GTF3C1: variants seen among roughly 807,000 people sequenced by gnomAD.
GTF3C1 encodes general transcription factor 3C polypeptide 1.
In GTF3C1, 57 loss-of-function variants were observed where a neutral mutation model predicts 226.7. That is an observed-to-expected ratio of 0.25 (90% confidence interval 0.20 to 0.31). GTF3C1 has a LOEUF of 0.31. Among genes scored for constraint, GTF3C1 ranks in the 10% least tolerant of loss-of-function variants. The pLI is 1.00. For missense variants in GTF3C1, 2,217 were observed against 2,776.1 expected (o/e 0.80, Z 4.53); for synonymous variants, 1,090 against 1,084.8 (o/e 1.00, Z -0.09).
At chr16:27,528,267 T>A (rs1158746174) in intron 6 of GTF3C1, among the ~76,000 whole-genome samples, 1 of 151,740 alleles carries the variant, frequency 6.6e-6, no homozygotes, top group Non-Finnish European at 1.5e-5. Flanking sequence ...CGAGACTGCC[T>A]CAAAAAAGCA....
At chr16:27,484,054 C>A (rs995065520) in intron 25 of GTF3C1, among the ~76,000 whole-genome samples, 157 bp downstream of exon 25, 1 of 152,190 alleles carries the variant, frequency 6.6e-6, no homozygotes, top group African/African-American at 2.4e-5. Context: ...TTGGCCCTCA[C>A]CCTCAAAAAA....
In GTF3C1 at chr16:27,464,531, C is replaced by T. The variant is rs764468404; in HGVS notation, c.5661G>A (p.Ala1887=). The change falls in exon 34 of 37, where the codon GCG becomes GCA. Residue 1887 remains alanine (A), a synonymous_variant. Coordinates refer to ENST00000356183, the MANE Select transcript of GTF3C1 (RefSeq NM_001520.4). ...TGGGGGCCAAATTTGAGTCCTGGAG[C>T]GCTGGCCTCTTGGCAGGGGTCATCT... ...GTQMTPAKRP[A]LQDSNLAPSL... The T allele has an allele frequency of 5.9e-6, 9 of 1,513,552 alleles. No homozygotes were observed. Among genetic ancestry groups the T allele is most frequent in the African/African-American group, 4.2e-5 (3 of 70,626 alleles). The allele number at this position is 1,513,552 out of a possible 1,614,324, so 93.8% of individuals were successfully genotyped here. A position where few individuals can be genotyped will look rare whatever the true frequency, so the allele number is the denominator to read the frequency against.
In GTF3C1 at chr16:27,470,309, T is replaced by A; in HGVS notation, c.4613A>T (p.Gln1538Leu). The change falls in exon 31 of 37, where the codon CAG becomes CTG. Residue 1538 changes from glutamine (Q) to leucine (L), a missense_variant. Gln to Leu is a moderately radical substitution (Grantham distance 113, BLOSUM62 -2). Coordinates refer to ENST00000356183, the MANE Select transcript of GTF3C1 (RefSeq NM_001520.4). The surrounding 1 kb of genome is among the most constrained non-coding windows in gnomAD (Gnocchi z 4.9). Reference protein sequence around the residue: ...DRMRAAGKLDQPDRFSFKDQD... With the variant: ...DRMRAAGKLDLPDRFSFKDQD... ...GTCTTTGAAAGAGAAACGATCAGGC[T>A]GGTCCAACTTGCCGGCAGCCCGCAT... is the stretch of plus-strand genomic sequence containing the variant. 1 of 1,613,748 alleles carries A rather than the reference T, an allele frequency of 6.2e-7. No individual in the cohort carries two copies. The highest frequency in any genetic ancestry group is 8.5e-7 in the Non-Finnish European group (1 of 1,179,616).
intron 13 of GTF3C1, 128 bp downstream of exon 13, chr16:27,498,502 C>CA: frequency 1.4e-6 from 1 of 705,890 alleles, no homozygotes. Context: ...GATCATGAAC[C>CA]ATGAACTCCA....
Position 27,489,722 on chromosome 16 carries a change from A to T in GTF3C1, c.3173T>A (p.Val1058Asp). ...TPLGVVRCPR[V>D]RKNSSTDQGS... The stretch of plus-strand genomic sequence containing the variant: ...CTGGTCTGTGCTGCTGTTCTTCCTG[A>T]CGCGCGGGCAGCGCACCACGCCTGG... The change falls in exon 20 of 37, where the codon GTC (valine) becomes GAC (aspartate). Residue 1058 changes from valine (V) to aspartate (D), a missense_variant. Val to Asp is a radical substitution (Grantham distance 152). Coordinates refer to ENST00000356183, the MANE Select transcript of GTF3C1 (RefSeq NM_001520.4). 1 of 1,611,842 alleles carries T rather than the reference A, an allele frequency of 6.2e-7. No individual in the cohort carries two copies. Among genetic ancestry groups the T allele is most frequent in the Non-Finnish European group, 8.5e-7 (1 of 1,179,796 alleles).
intron 2 of GTF3C1, among the ~76,000 whole-genome samples, chr16:27,543,068 C>T (rs1311059250): frequency 1.3e-5 from 2 of 152,162 alleles, no homozygotes; most frequent in African/African-American, 4.8e-5. Context: ...TGGGACTAGA[C>T]AAAGAGCCTT....
chr16:27,500,292 T>G, intron 12 of GTF3C1, among the ~76,000 whole-genome samples: 1 of 143,878 alleles, frequency 7.0e-6, no homozygotes, highest in Non-Finnish European at 1.5e-5. Context: ...GGTGGGGGAG[T>G]GGGGAGCAGG....
rs183843131 is a variant in GTF3C1, at chr16:27,519,382, G to A, written c.974-7481C>T. ...ACTGAGTGGAAGCTATTTCTGCAGT[G>A]GACATGGAAGCTGGCTTGGAGGGAG... On this transcript the variant is annotated intron_variant, in intron 6 of 36. Coordinates refer to ENST00000356183, the MANE Select transcript of GTF3C1 (RefSeq NM_001520.4). Among the ~76,000 whole-genome samples, 10 of 152,316 alleles carry A rather than the reference G, an allele frequency of 6.6e-5. No individual in the cohort carries two copies. In the East Asian group the frequency reaches 1.9e-3, roughly 29 times the overall value.
intron 23 of GTF3C1, 87 bp downstream of exon 23, chr16:27,488,140 C>T: frequency 8.4e-7 from 1 of 1,191,940 alleles, no homozygotes; most frequent in Non-Finnish European, 1.2e-6. Flanking sequence ...AAGGGCAGAG[C>T]TCAGGCCTGG....
At chr16:27,516,363 T>C (rs974960298) in intron 6 of GTF3C1, among the ~76,000 whole-genome samples, 9 of 152,220 alleles carry the variant, frequency 5.9e-5, no homozygotes, top group Non-Finnish European at 1.0e-4. Context: ...GAGTGGGTGC[T>C]GTGGGTGGGC....
At position 27,492,453 on chromosome 16, in the gene GTF3C1, G is replaced by A. The variant is rs765687448; in HGVS notation, c.3036C>T (p.Tyr1012=). 2.5e-6 allele frequency: 4 copies of A among 1,612,250 alleles called. No homozygotes were observed. In the Admixed American group the frequency reaches 6.7e-5, roughly 27 times the overall value. Residue 1012 remains tyrosine, a synonymous_variant, in exon 19 of 37, where the codon TAC becomes TAT. Coordinates refer to ENST00000356183, the MANE Select transcript of GTF3C1 (RefSeq NM_001520.4). The surrounding 1 kb of genome is among the most constrained non-coding windows in gnomAD (Gnocchi z 5.0). ...AGGGCCGGCTGCTGCGGGCCAGGTT[G>A]TAATGTGGGTCGCAGATGGTAGTGT... ...IVDTTICDPH[Y]NLARSSRPFE... is the part of the protein sequence containing the mutation.
chr16:27,488,268 A>T lies in GTF3C1; in HGVS notation c.3659T>A (p.Leu1220Gln), dbSNP rs2088173669. The T allele has an allele frequency of 1.9e-6, 3 of 1,614,094 alleles. No individual in the cohort carries two copies. Among genetic ancestry groups the T allele is most frequent in the Non-Finnish European group, 2.5e-6 (3 of 1,180,044 alleles). Residue 1220 changes from leucine (L) to glutamine (Q), a missense_variant, in exon 23 of 37, where the codon CTG (leucine) becomes CAG (glutamine). Around this residue, in one of 12 missense-constraint regions of GTF3C1, gnomAD observed 546 missense variants for 663.0 expected, o/e 0.82. Transcript: ENST00000356183. Reference protein sequence around the residue: ...RGGKSQKRKRLKKDPGKKIKR... With the variant: ...RGGKSQKRKRQKKDPGKKIKR... The stretch of plus-strand genomic sequence containing the variant: ...GATCTTCTTCCCAGGGTCCTTCTTC[A>T]GCCGCTTCCGCTTCTGGCTTTTCCC...
At chr16:27,467,677 C>T (rs2087804919) in intron 32 of GTF3C1, among the ~76,000 whole-genome samples, 1 of 152,082 alleles carries the variant, frequency 6.6e-6, no homozygotes, top group African/African-American at 2.4e-5. Flanking sequence ...CAAGACCAGC[C>T]TGCCCAACAT....
chr16:27,535,658 A>G (rs761274701), intron 4 of GTF3C1, among the ~76,000 whole-genome samples: 8 of 152,098 alleles, frequency 5.3e-5, no homozygotes, highest in Non-Finnish European at 1.0e-4. Flanking sequence ...TGCTGCAGTA[A>G]AAAGTGATCT....
At position 27,521,278 on chromosome 16, in the gene GTF3C1, C is replaced by A. The variant is rs185247098; in HGVS notation, c.973+7320G>T. Reference sequence around the variant, plus strand: ...GACTCTTCCTAGCGCAGGGAGCATTCCCTTCTCAGCCTGTAAAGGCATCAG... The same window carrying A: ...GACTCTTCCTAGCGCAGGGAGCATTACCTTCTCAGCCTGTAAAGGCATCAG... On this transcript the variant is annotated intron_variant, in intron 6 of 36. Transcript: ENST00000356183. 2.8e-4 allele frequency among the ~76,000 whole-genome samples: 43 copies of A among 152,374 alleles called. No individual in the cohort carries two copies. The East Asian group carries it at 7.7e-3, about 27-fold the overall frequency.
In GTF3C1 at chr16:27,538,074, A is replaced by G. The variant is rs1392742851; in HGVS notation, c.608+106T>C. 4.0e-6 allele frequency: 5 copies of G among 1,257,208 alleles called. No homozygotes were observed. In the East Asian group the frequency reaches 9.3e-5, roughly 23 times the overall value. 77.9% of individuals were successfully genotyped at this position (1,257,208 alleles called of 1,614,324 possible). On this transcript the variant is annotated intron_variant, in intron 3 of 36. Coordinates refer to ENST00000356183, the MANE Select transcript of GTF3C1 (RefSeq NM_001520.4). ...GTCACTGTGAGACCACGGCCTTGAA[A>G]CAAAAAGCCATGCCTCAGGGAAGAT... is the stretch of plus-strand genomic sequence containing the variant.
At chr16:27,475,792 G>C (rs377487037) in intron 29 of GTF3C1, among the ~76,000 whole-genome samples, 23 of 152,282 alleles carry the variant, frequency 1.5e-4, no homozygotes, top group African/African-American at 3.6e-4. Flanking sequence ...CCCATCCAGT[G>C]ACCTCCCACA....
intron 9 of GTF3C1, 58 bp from the exon 10 acceptor site, chr16:27,506,174 T>C (rs2141402185): frequency 3.0e-6 from 3 of 992,894 alleles, no homozygotes; most frequent in Non-Finnish European, 4.7e-6. Context: ...GGCATTCATG[T>C]TTGGCAATCA....
intron 19 of GTF3C1, 31 bp from the exon 20 acceptor site, chr16:27,489,774 A>G (rs1455138841): frequency 6.3e-7 from 1 of 1,599,868 alleles, no homozygotes; most frequent in East Asian, 2.2e-5. Flanking sequence ...GTGACCAATC[A>G]CGCCTTCCTG....
Sources: allele counts gnomAD v4.1 joint callset (sites outside exome capture counted in the v4.1 genomes callset), GRCh38; gene constraint gnomAD v4.1.1; regional missense constraint gnomAD v4.1.1; non-coding constraint Gnocchi (gnomAD v3.1); transcripts MANE v1.5; gene names NCBI Gene and HGNC (gene_info 2026-07-23, HGNC 2026-07-21).